FUT9: variants seen among roughly 807,000 people sequenced by gnomAD.
The protein encoded by FUT9 is fucosyltransferase 9, also known as 4-galactosyl-N-acetylglucosaminide 3-alpha-L-fucosyltransferase 9.
FUT9 carries 15 observed loss-of-function variants against 29.7 expected under a neutral mutation model. That is an observed-to-expected ratio of 0.51 (90% CI 0.34 to 0.78). The LOEUF (loss-of-function observed/expected upper bound fraction) is 0.78, where lower values mean the gene tolerates loss of function less well. FUT9 is among the 30% of genes least tolerant of loss of function. FUT9 has a pLI of 0.01. For synonymous variants in FUT9, 169 were observed against 153.7 expected (o/e 1.10, Z -0.74); for missense variants, 319 against 425.4 (o/e 0.75, Z 2.20).
chr6:96,062,778 C>T (rs1234131569), intron 1 of FUT9, among the ~76,000 whole-genome samples: 1 of 151,984 alleles, frequency 6.6e-6, no homozygotes, highest in African/African-American at 2.4e-5. Context: ...GGAAAATAAA[C>T]TGTTTCCCCT....
rs1771954981 is a variant in FUT9 at position 96,118,400 on chromosome 6, A to G, written c.-9+4273A>G. Among the ~76,000 whole-genome samples the G allele has an allele frequency of 4.6e-5, 7 of 152,268 alleles. No individual in the cohort carries two copies. The South Asian group carries it at 1.0e-3, about 23-fold the overall frequency. ...TGACCACATGTACATCAGTGGTCCC[A>G]TTAGATTATAATAGAGCTAAACAAT... On this transcript the variant is annotated intron_variant, in intron 2 of 2. Coordinates refer to ENST00000302103, the MANE Select transcript of FUT9 (RefSeq NM_006581.4).
intron 2 of FUT9, among the ~76,000 whole-genome samples, chr6:96,155,141 C>T (rs1314463447): frequency 6.6e-6 from 1 of 152,080 alleles, no homozygotes; most frequent in East Asian, 1.9e-4. Flanking sequence ...TAATGCCTGC[C>T]TTTTTTTGAA....
At chr6:96,153,343 CTT>C (rs775173505) in intron 2 of FUT9, among the ~76,000 whole-genome samples, 6 of 152,164 alleles carry the variant, frequency 3.9e-5, no homozygotes, top group Non-Finnish European at 5.9e-5. Context: ...TCCCTATCCT[CTT>C]GTCCTTAAAA....
chr6:96,119,065 T>C (rs1407887943), intron 2 of FUT9, among the ~76,000 whole-genome samples: 2 of 152,170 alleles, frequency 1.3e-5, no homozygotes, highest in African/African-American at 4.8e-5. Context: ...TAATATTAAA[T>C]TACTGAAGAC....
chr6:96,038,506 T>G (rs1181559098), intron 1 of FUT9, among the ~76,000 whole-genome samples: 1 of 152,166 alleles, frequency 6.6e-6, no homozygotes, highest in Non-Finnish European at 1.5e-5. Flanking sequence ...CCTTTAAATT[T>G]TTTCTATTAT....
At chr6:96,037,715 G>T (rs552637353) in intron 1 of FUT9, among the ~76,000 whole-genome samples, 1 of 151,888 alleles carries the variant, frequency 6.6e-6, no homozygotes, top group Non-Finnish European at 1.5e-5. Context: ...AAGAAAAAAA[G>T]ACCCTTTTTA....
At chr6:96,063,019 C>T (rs1409001516) in intron 1 of FUT9, among the ~76,000 whole-genome samples, 2 of 152,056 alleles carry the variant, frequency 1.3e-5, no homozygotes, top group African/African-American at 4.8e-5. Flanking sequence ...GGTGTAATTT[C>T]CTTGTGAAAA....
At chr6:96,094,280 C>T (rs1031695615) in intron 1 of FUT9, among the ~76,000 whole-genome samples, 1 of 152,102 alleles carries the variant, frequency 6.6e-6, no homozygotes, top group Non-Finnish European at 1.5e-5. Context: ...CTGTGTTGGT[C>T]ATTTTGTAGC....
intron 2 of FUT9, among the ~76,000 whole-genome samples, chr6:96,131,787 T>C (rs577725423): frequency 1.3e-5 from 2 of 152,234 alleles, no homozygotes; most frequent in South Asian, 4.1e-4. Flanking sequence ...TTTCTTCACC[T>C]GGTATACAAC....
chr6:96,193,210 A>G (rs1773550301), intron 2 of FUT9, among the ~76,000 whole-genome samples: 1 of 138,136 alleles, frequency 7.2e-6, no homozygotes, highest in African/African-American at 2.6e-5. Context: ...AATGGGATCT[A>G]ATTAAACTAA....
intron 1 of FUT9, among the ~76,000 whole-genome samples, chr6:96,085,773 T>A (rs1016370529): frequency 6.6e-6 from 1 of 152,156 alleles, no homozygotes; most frequent in Non-Finnish European, 1.5e-5. Context: ...AGTTATAAAT[T>A]AATTCTATCT....
intron 1 of FUT9, among the ~76,000 whole-genome samples, chr6:96,080,561 A>G (rs954889603): frequency 1.3e-5 from 2 of 152,050 alleles, no homozygotes; most frequent in African/African-American, 4.8e-5. Flanking sequence ...AAATTATGAT[A>G]AAAATAAGGT....
intron 1 of FUT9, among the ~76,000 whole-genome samples, chr6:96,056,126 C>G (rs1408205840): frequency 3.9e-5 from 6 of 151,936 alleles, no homozygotes; most frequent in Admixed American, 3.9e-4. Flanking sequence ...CTTGTTATAC[C>G]TTCGTTATAT....
At chr6:96,169,797 C>T (rs531681835) in intron 2 of FUT9, among the ~76,000 whole-genome samples, 4 of 151,768 alleles carry the variant, frequency 2.6e-5, no homozygotes, top group South Asian at 2.1e-4. Context: ...ACTCATTTGG[C>T]GAAATTTAAA....
intron 1 of FUT9, among the ~76,000 whole-genome samples, chr6:96,056,838 T>TAC (rs1770780354): frequency 6.6e-6 from 1 of 152,208 alleles, no homozygotes; most frequent in Non-Finnish European, 1.5e-5. Flanking sequence ...ATTTACAATA[T>TAC]ACACTCTCTG....
chr6:96,165,116 A>T (rs1397539934), intron 2 of FUT9, among the ~76,000 whole-genome samples: 1 of 152,168 alleles, frequency 6.6e-6, no homozygotes, highest in Non-Finnish European at 1.5e-5. Flanking sequence ...ATGAGAGAAA[A>T]TTCACAATAG....
chr6:96,179,856 C>T (rs188753828), intron 2 of FUT9, among the ~76,000 whole-genome samples: 156 of 152,152 alleles, frequency 1.0e-3, no homozygotes, highest in Middle Eastern at 3.4e-3. Flanking sequence ...GCCTACTGAA[C>T]ACACAGCTTA....
intron 2 of FUT9, among the ~76,000 whole-genome samples, chr6:96,170,656 A>G (rs1773097455): frequency 6.6e-6 from 1 of 152,142 alleles, no homozygotes; most frequent in Admixed American, 6.6e-5. Context: ...TGGTTTTCCT[A>G]TGATATCTTC....
chr6:96,085,799 C>T (rs7754532), intron 1 of FUT9, among the ~76,000 whole-genome samples: 104,510 of 151,990 alleles, frequency 0.69, 37,295 homozygotes, highest in East Asian at 0.84. Flanking sequence ...ATGTACTCTA[C>T]TTCATTGCTT....
Sources: allele counts gnomAD v4.1 joint callset (sites outside exome capture counted in the v4.1 genomes callset), GRCh38; gene constraint gnomAD v4.1.1; transcripts MANE v1.5; gene names NCBI Gene and HGNC (gene_info 2026-07-23, HGNC 2026-07-21).